The following SESN3 variants were observed in gnomAD, a reference collection of about 807,000 sequenced individuals.
SESN3 encodes sestrin 3.
A neutral mutation model predicts 55.3 loss-of-function variants in SESN3; 21 were observed. The ratio of observed to expected loss-of-function variants is 0.38; its 90% CI spans 0.27 to 0.55. The LOEUF (loss-of-function observed/expected upper bound fraction) is 0.55, where lower values mean the gene tolerates loss of function less well. Ranked by LOEUF, SESN3 falls within the 20% of genes least tolerant of loss-of-function variation. The pLI, the probability that SESN3 is intolerant of heterozygous loss-of-function variation, is 0.76. For synonymous variants in SESN3, 181 were observed against 203.1 expected, an observed-to-expected ratio of 0.89 and a Z score of 0.93; for missense variants, 408 against 604.3, an observed-to-expected ratio of 0.68 and a Z score of 3.41.
intron 1 of SESN3, among the ~76,000 whole-genome samples, chr11:95,210,307 A>G (rs563877995): frequency 2.0e-5 from 3 of 152,318 alleles, no homozygotes; most frequent in East Asian, 3.9e-4. Flanking sequence ...ATGTATACCT[A>G]TGTAACAAAC....
chr11:95,165,556 C>A lies in SESN3; in HGVS notation c.*7699G>T, dbSNP rs1258819270. 1 of 152,012 alleles carries A rather than the reference C, an allele frequency of 6.6e-6. No individual in the cohort carries two copies. The highest frequency in any genetic ancestry group is 1.5e-5 in the Non-Finnish European group (1 of 67,986). The allele number at this position is 152,012 out of a possible 1,614,324, so 9.4% of individuals were successfully genotyped here. A position where few individuals can be genotyped will look rare whatever the true frequency, so the allele number is the denominator to read the frequency against. ...GGCAAATGATTGGTGTTCAGTTTTG[C>A]CAATTTTATTGAACCAATAAAATTC... On this transcript the variant is annotated 3_prime_UTR_variant, in exon 10 of 10. Coordinates refer to ENST00000536441, the MANE Select transcript of SESN3 (RefSeq NM_144665.4).
rs370167231 is a variant in SESN3, at chr11:95,179,578, A to T, written c.938-750T>A. 1.4e-4 allele frequency among the ~76,000 whole-genome samples: 21 copies of T among 152,292 alleles called. 1 individual carries two copies. In the South Asian group the frequency reaches 1.5e-3, roughly 11 times the overall value. ...TCTGGATGTATTCACAGTAAAAATT[A>T]GTTCAATATAGTTTATTTTTAGCTT... is the stretch of plus-strand genomic sequence containing the variant. On this transcript the variant is annotated intron_variant, in intron 6 of 9. Transcript: ENST00000536441.
chr11:95,231,649 C>T (rs1861072681), upstream of SESN3: 4 of 152,542 alleles, frequency 2.6e-5, no homozygotes, highest in Admixed American at 6.5e-5. Flanking sequence ...ATTTCCTGAT[C>T]TCTCGAGAAA....
intron 6 of SESN3, among the ~76,000 whole-genome samples, chr11:95,180,506 C>T (rs1205846579): frequency 2.0e-5 from 3 of 152,086 alleles, no homozygotes; most frequent in Non-Finnish European, 4.4e-5. Context: ...AACTTCATTA[C>T]ATATAAAGAA....
At chr11:95,176,724 TCAC>T (rs777832644) in intron 8 of SESN3, among the ~76,000 whole-genome samples, 1 of 152,220 alleles carries the variant, frequency 6.6e-6, no homozygotes, top group Non-Finnish European at 1.5e-5. Flanking sequence ...ACAGATATAT[TCAC>T]CACATTTGTT....
At chr11:95,198,345 C>CA (rs199529391) in intron 1 of SESN3, among the ~76,000 whole-genome samples, 2,979 of 126,206 alleles carry the variant, frequency 0.024, 57 homozygotes, top group African/African-American at 0.053. Flanking sequence ...TCCTCAATGT[C>CA]AAAAAAAAAA....
chr11:95,179,919 A>C (rs1398645225), intron 6 of SESN3, among the ~76,000 whole-genome samples: 4 of 152,206 alleles, frequency 2.6e-5, no homozygotes, highest in African/African-American at 9.6e-5. Flanking sequence ...GATGACATTA[A>C]CAATTTACCA....
intron 1 of SESN3, among the ~76,000 whole-genome samples, chr11:95,216,110 G>GAAAAAAAAAAAAAAAAGA (rs71036381): frequency 8.2e-6 from 1 of 122,210 alleles, no homozygotes; most frequent in Non-Finnish European, 1.7e-5. Flanking sequence ...AAAAAAAAAA[G>GAAAAAAAAAAAAAAAAGA]AAAAAAAAAA....
At chr11:95,199,523 G>A (rs1860423810) in intron 1 of SESN3, among the ~76,000 whole-genome samples, 1 of 151,916 alleles carries the variant, frequency 6.6e-6, no homozygotes, top group Admixed American at 6.6e-5. Flanking sequence ...TCCCTTTAAA[G>A]GATATAAATT....
chr11:95,188,001 G>T, intron 4 of SESN3, among the ~76,000 whole-genome samples: 1 of 143,390 alleles, frequency 7.0e-6, no homozygotes, highest in African/African-American at 2.6e-5. Flanking sequence ...TCCTTCCTAT[G>T]TATCTCCCAT....
At chr11:95,208,638 C>G (rs946959210) in intron 1 of SESN3, among the ~76,000 whole-genome samples, 3 of 151,346 alleles carry the variant, frequency 2.0e-5, no homozygotes, top group Admixed American at 2.0e-4. Context: ...AAGAGCAAAG[C>G]TGGAGGCATC....
intron 1 of SESN3, among the ~76,000 whole-genome samples, chr11:95,209,698 A>C (rs1773443972): frequency 6.6e-6 from 1 of 151,254 alleles, no homozygotes; most frequent in South Asian, 2.1e-4. Context: ...GCACATATAC[A>C]CTATGGAATA....
At chr11:95,200,026 T>C (rs1013935367) in intron 1 of SESN3, among the ~76,000 whole-genome samples, 2 of 152,032 alleles carry the variant, frequency 1.3e-5, no homozygotes, top group Non-Finnish European at 2.9e-5. Context: ...ACAAAACACA[T>C]GCCCCAAACA....
At chr11:95,223,067 T>C (rs534131548) in intron 1 of SESN3, among the ~76,000 whole-genome samples, 1 of 152,208 alleles carries the variant, frequency 6.6e-6, no homozygotes, top group Admixed American at 6.5e-5. Flanking sequence ...ACAGAGTAAA[T>C]AGGCCCTTAT....
At chr11:95,179,981 T>C (rs1425439350) in intron 6 of SESN3, among the ~76,000 whole-genome samples, 1 of 152,196 alleles carries the variant, frequency 6.6e-6, no homozygotes, top group East Asian at 1.9e-4. Flanking sequence ...AATAATTCTA[T>C]CTCACTTTTT....
intron 1 of SESN3, among the ~76,000 whole-genome samples, chr11:95,199,762 C>G (rs531372662): frequency 6.6e-6 from 1 of 151,932 alleles, no homozygotes; most frequent in Non-Finnish European, 1.5e-5. Context: ...TCATACATTT[C>G]TATCCACTAA....
chr11:95,202,690 G>A (rs551427080), intron 1 of SESN3, among the ~76,000 whole-genome samples: 3 of 152,120 alleles, frequency 2.0e-5, no homozygotes, highest in South Asian at 2.1e-4. Context: ...AGAAAATGAG[G>A]AGAGAACTAT....
chr11:95,231,260 C>T (rs924843674), upstream of SESN3: 6 of 393,806 alleles, frequency 1.5e-5, no homozygotes, highest in Non-Finnish European at 4.5e-6. Flanking sequence ...TACCGCCCCT[C>T]CCGCCAATCG....
At chr11:95,220,294 A>C (rs1166693469) in intron 1 of SESN3, among the ~76,000 whole-genome samples, 1 of 152,238 alleles carries the variant, frequency 6.6e-6, no homozygotes, top group Admixed American at 6.5e-5. Flanking sequence ...TATTTCTTAG[A>C]GGTCCAATTC....
Sources: gnomAD v4.1 joint callset for allele counts (sites outside exome capture counted in the v4.1 genomes callset) on GRCh38, gnomAD v4.1.1 for gene constraint, MANE v1.5 for transcripts, NCBI Gene and HGNC (gene_info 2026-07-23, HGNC 2026-07-21) for gene names.